The following SAMD3 variants were observed in gnomAD, a reference collection of about 807,000 sequenced individuals.
SAMD3 encodes sterile alpha motif domain containing 3, also known as sterile alpha motif domain-containing protein 3.
Under a neutral mutation model 58.5 loss-of-function variants are expected in SAMD3, and 63 were observed. The ratio of observed to expected loss-of-function variants is 1.08; its 90% CI spans 0.88 to 1.33. The LOEUF (loss-of-function observed/expected upper bound fraction) is 1.33. Ranked by LOEUF, SAMD3 falls within the 40% of genes most tolerant of loss-of-function variation. The pLI, the probability that SAMD3 is intolerant of heterozygous loss-of-function variation, is 0.00. For synonymous variants in SAMD3, 220 were observed against 210.3 expected, an observed-to-expected ratio of 1.05 and a Z score of -0.40; for missense variants, 604 against 608.4, an observed-to-expected ratio of 0.99 and a Z score of 0.08.
chr6:130,343,865 C>T (rs1045363687), intron 1 of SAMD3, among the ~76,000 whole-genome samples: 14 of 151,820 alleles, frequency 9.2e-5, no homozygotes, highest in African/African-American at 2.4e-4. Flanking sequence ...CTTGGGAGGC[C>T]GAGGCGGGAG....
chr6:130,231,477 C>T (rs1302834728), intron 2 of SAMD3, among the ~76,000 whole-genome samples: 2 of 150,124 alleles, frequency 1.3e-5, no homozygotes, highest in African/African-American at 4.9e-5. Context: ...GGCAGGAGAT[C>T]CACTTGAACC....
intron 2 of SAMD3, among the ~76,000 whole-genome samples, chr6:130,235,093 C>T (rs1234198998): frequency 2.0e-5 from 3 of 152,036 alleles, no homozygotes; most frequent in East Asian, 3.9e-4. Flanking sequence ...CCAGCCTGGG[C>T]TACAGAGCAT....
At chr6:130,217,679 A>G (rs1178371795) in intron 1 of SAMD3, among the ~76,000 whole-genome samples, 1 of 152,250 alleles carries the variant, frequency 6.6e-6, no homozygotes, top group Non-Finnish European at 1.5e-5. Flanking sequence ...AATCTAACAT[A>G]TAAAACATCA....
intron 8 of SAMD3, among the ~76,000 whole-genome samples, chr6:130,171,722 G>A (rs1300094352): frequency 1.3e-5 from 2 of 152,124 alleles, no homozygotes; most frequent in African/African-American, 2.4e-5. Flanking sequence ...TATCTATTAG[G>A]TCCACTTGGT....
chr6:130,226,840 T>G (rs995899120), upstream of SAMD3, among the ~76,000 whole-genome samples: 5 of 151,814 alleles, frequency 3.3e-5, no homozygotes, highest in Admixed American at 2.6e-4. Flanking sequence ...AAAAAAAAAA[T>G]TATTTACATC....
At chr6:130,346,612 C>T (rs4897414) in intron 1 of SAMD3, among the ~76,000 whole-genome samples, 74,128 of 152,074 alleles carry the variant, frequency 0.49, 22,202 homozygotes, top group African/African-American at 0.85. Context: ...CCACCACAGC[C>T]CAAGGAGGCC....
intron 1 of SAMD3, among the ~76,000 whole-genome samples, chr6:130,315,778 T>C (rs955503439): frequency 6.6e-6 from 1 of 152,210 alleles, no homozygotes; most frequent in African/African-American, 2.4e-5. Flanking sequence ...ATTTAAATTA[T>C]TGGTAAACAG....
chr6:130,287,306 T>C (rs924449158), intron 2 of SAMD3, among the ~76,000 whole-genome samples: 3 of 152,180 alleles, frequency 2.0e-5, no homozygotes, highest in African/African-American at 7.2e-5. Flanking sequence ...ATATATGCCT[T>C]GTTTAAGGAG....
Position 130,290,388 on chromosome 6 carries a change from G to A in SAMD3, c.-188+22590C>T, listed in dbSNP as rs376954416. Among the ~76,000 whole-genome samples the A allele has an allele frequency of 4.6e-5, 7 of 152,208 alleles. 1 individual carries two copies. Reference sequence around the variant, plus strand: ...TCTTCTTCAGGAAACCTCAGTCTTTGCTCTTAATGGCTTTGATTAATTAGA... The same window carrying A: ...TCTTCTTCAGGAAACCTCAGTCTTTACTCTTAATGGCTTTGATTAATTAGA... On this transcript the variant is annotated intron_variant, in intron 2 of 13. Coordinates refer to the SAMD3 transcript ENST00000368134.
chr6:130,284,856 TA>T (rs1775102753), intron 2 of SAMD3, among the ~76,000 whole-genome samples: 2 of 152,050 alleles, frequency 1.3e-5, no homozygotes, highest in Non-Finnish European at 2.9e-5. Flanking sequence ...CAACAACATA[TA>T]TAGAGAACAT....
At chr6:130,312,793 GCA>G (rs55634052) in intron 2 of SAMD3, among the ~76,000 whole-genome samples, 28,523 of 151,036 alleles carry the variant, frequency 0.19, 6,094 homozygotes, top group African/African-American at 0.53. Context: ...GAGTATACAT[GCA>G]CACACACACA....
intron 5 of SAMD3, among the ~76,000 whole-genome samples, chr6:130,197,870 C>T (rs1054601552): frequency 2.6e-5 from 4 of 152,186 alleles, no homozygotes; most frequent in African/African-American, 7.2e-5. Flanking sequence ...GTGGCCTGCA[C>T]GTACACATCC....
chr6:130,350,827 A>T (rs530005087), intron 1 of SAMD3, among the ~76,000 whole-genome samples: 162 of 152,328 alleles, frequency 1.1e-3, no homozygotes, highest in Admixed American at 4.2e-3. Flanking sequence ...TTCAAACTAT[A>T]CTACAAGGCT....
At chr6:130,146,922 C>T (rs78074815) in intron 9 of SAMD3, among the ~76,000 whole-genome samples, 24 of 152,028 alleles carry the variant, frequency 1.6e-4, no homozygotes, top group East Asian at 1.6e-3. Flanking sequence ...TGCAGTGAAC[C>T]GAGACTGTGC....
At chr6:130,146,320 A>C (rs952741170) in intron 9 of SAMD3, 139 bp from the exon 10 acceptor site, 38 of 435,184 alleles carry the variant, frequency 8.7e-5, no homozygotes, top group Non-Finnish European at 1.4e-4. Context: ...GTTTTAGTGG[A>C]GAATTAAAGC....
At chr6:130,196,206 G>A (rs1488109274) in intron 5 of SAMD3, among the ~76,000 whole-genome samples, 1 of 152,232 alleles carries the variant, frequency 6.6e-6, no homozygotes, top group East Asian at 1.9e-4. Flanking sequence ...ACTTTCAGAG[G>A]CCTTTAAAAT....
chr6:130,199,354 G>T (rs988588963), intron 5 of SAMD3, among the ~76,000 whole-genome samples: 15 of 152,186 alleles, frequency 9.9e-5, no homozygotes, highest in Admixed American at 7.8e-4. Flanking sequence ...GGATACCCAG[G>T]TTTATATTAT....
intron 2 of SAMD3, among the ~76,000 whole-genome samples, chr6:130,279,487 C>CTTTTTT (rs397886882): frequency 8.1e-6 from 1 of 123,376 alleles, no homozygotes; most frequent in African/African-American, 3.4e-5. Context: ...TCAATTAAAC[C>CTTTTTT]TTTTTTTTTT....
chr6:130,165,308 T>A (rs1034251077), intron 8 of SAMD3, among the ~76,000 whole-genome samples: 4 of 152,078 alleles, frequency 2.6e-5, no homozygotes, highest in African/African-American at 9.7e-5. Flanking sequence ...CTGACAAAGA[T>A]AAAATGATCT....
Sources: gnomAD v4.1 joint callset for allele counts (sites outside exome capture counted in the v4.1 genomes callset) on GRCh38, gnomAD v4.1.1 for gene constraint, MANE v1.5 for transcripts, NCBI Gene and HGNC (gene_info 2026-07-23, HGNC 2026-07-21) for gene names.